The following MSANTD2 variants were observed in gnomAD, a reference collection of about 807,000 sequenced individuals.
MSANTD2 encodes the protein myb/SANT-like DNA-binding domain-containing protein 2.
A neutral mutation model predicts 52.6 loss-of-function variants in MSANTD2; 19 were observed. The observed-to-expected ratio is 0.36, with a 90% confidence interval of 0.25 to 0.53. The LOEUF (loss-of-function observed/expected upper bound fraction) is 0.53. Ranked by LOEUF, MSANTD2 falls within the 20% of genes least tolerant of loss-of-function variation. MSANTD2 has a pLI of 0.91. For missense variants in MSANTD2, 558 were observed against 716.3 expected, an observed-to-expected ratio of 0.78 and a Z score of 2.52; for synonymous variants, 291 against 289.7, an observed-to-expected ratio of 1.00 and a Z score of -0.04.
chr11:124,776,166 T>C (rs1174289547), intron 1 of MSANTD2: 1 of 152,242 alleles, frequency 6.6e-6, no homozygotes, highest in East Asian at 1.9e-4. Context: ...TCAGACTTAA[T>C]TTGTAGGCAC....
Position 124,800,099 on chromosome 11 carries a change from G to T in MSANTD2, c.282C>A (p.Ala94=), listed in dbSNP as rs759650697. The T allele has an allele frequency of 5.4e-6, 8 of 1,480,244 alleles. No homozygotes were observed. Among genetic ancestry groups the T allele is most frequent in the East Asian group, 2.8e-5 (1 of 35,376 alleles). The allele number at this position is 1,480,244 out of a possible 1,614,324, so 91.7% of individuals were successfully genotyped here. The part of the protein sequence containing the change: ...PGGGGGGAAA[A]AAAACRGMSW... The stretch of plus-strand genomic sequence containing the variant: ...ACATGCCCCGGCAGGCGGCGGCGGC[G>T]GCTGCCGCAGCCCCGCCACCGCCGC... The change falls in exon 1 of 4, where the codon GCC becomes GCA. Residue 94 remains alanine, a synonymous_variant. Coordinates refer to ENST00000374979, the MANE Select transcript of MSANTD2 (RefSeq NM_001308027.2). This position sits in a 1 kb window ranked among gnomAD's most constrained non-coding sequence, Gnocchi z 4.3.
At chr11:124,777,451 C>A (rs964629973) in intron 1 of MSANTD2, among the ~76,000 whole-genome samples, 1 of 152,184 alleles carries the variant, frequency 6.6e-6, no homozygotes. Context: ...CAATCTCTGG[C>A]GATAGACATG....
At chr11:124,781,183 CAAAAAAAAAA>C (rs373484883) in intron 1 of MSANTD2, among the ~76,000 whole-genome samples, 7 of 62,964 alleles carry the variant, frequency 1.1e-4, no homozygotes, top group Non-Finnish European at 2.1e-4. Flanking sequence ...GTCTCTGTCT[CAAAAAAAAAA>C]AAAAAAAAAG....
chr11:124,769,860 C>T (rs1230022414), intron 3 of MSANTD2, among the ~76,000 whole-genome samples: 1 of 152,212 alleles, frequency 6.6e-6, no homozygotes, highest in Non-Finnish European at 1.5e-5. Flanking sequence ...AAATAAATGG[C>T]CTACCCAGAT....
chr11:124,786,765 T>C (rs1945174593), intron 1 of MSANTD2, among the ~76,000 whole-genome samples: 1 of 152,252 alleles, frequency 6.6e-6, no homozygotes, highest in African/African-American at 2.4e-5. Flanking sequence ...TGACAAGAAA[T>C]ATCAGCATAA....
Position 124,766,946 on chromosome 11 carries a change from C to T in MSANTD2, c.*230G>A, listed in dbSNP as rs1304339634. 3 of 415,704 alleles carry T rather than the reference C, an allele frequency of 7.2e-6. No individual in the cohort carries two copies. Among genetic ancestry groups the T allele is most frequent in the Admixed American group, 3.9e-5 (1 of 25,342 alleles). 25.8% of individuals were successfully genotyped at this position (415,704 alleles called of 1,614,324 possible). A position where few individuals can be genotyped will look rare whatever the true frequency, so the allele number is the denominator to read the frequency against. The stretch of plus-strand genomic sequence containing the variant: ...TTTTAAAAAAGAAATAGCTGACCCA[C>T]CATGCAAGTTCGCTATATATCTTGC... On this transcript the variant is annotated 3_prime_UTR_variant, in exon 4 of 4. Coordinates refer to ENST00000374979, the MANE Select transcript of MSANTD2 (RefSeq NM_001308027.2).
At chr11:124,791,289 G>A in intron 1 of MSANTD2, 1 of 1,453,506 alleles carries the variant, frequency 6.9e-7, no homozygotes, top group Non-Finnish European at 9.7e-7. Flanking sequence ...TGCCCTCCTA[G>A]AACTGTCCCT....
intron 1 of MSANTD2, chr11:124,791,554 C>A: frequency 8.2e-7 from 1 of 1,225,214 alleles, no homozygotes; most frequent in South Asian, 1.2e-5. Flanking sequence ...ACAGAAGGGT[C>A]ACCAATGTGA....
intron 1 of MSANTD2, among the ~76,000 whole-genome samples, chr11:124,787,531 C>A (rs556686849): frequency 1.3e-5 from 2 of 152,282 alleles, no homozygotes; most frequent in South Asian, 4.1e-4. Context: ...TAGGTGTGCA[C>A]CACCAAACCC....
At chr11:124,793,303 ATTCAGTACAT>A (rs1945390145) in intron 1 of MSANTD2, among the ~76,000 whole-genome samples, 1 of 152,238 alleles carries the variant, frequency 6.6e-6, no homozygotes, top group Non-Finnish European at 1.5e-5. Flanking sequence ...TCAGTTTGTT[ATTCAGTACAT>A]TTTATCGCCA....
At chr11:124,788,522 AT>A (rs1945238501) in intron 1 of MSANTD2, among the ~76,000 whole-genome samples, 2 of 152,208 alleles carry the variant, frequency 1.3e-5, no homozygotes, top group African/African-American at 2.4e-5. Context: ...TATTACTTAC[AT>A]AAGGAAAAAA....
Position 124,800,250 on chromosome 11 carries a change from G to A in MSANTD2, c.131C>T (p.Pro44Leu). Residue 44 changes from proline to leucine, a missense_variant, in exon 1 of 4, where the codon CCT becomes CTT. Physicochemically the swap from Pro to Leu is moderately conservative, Grantham distance 98 (BLOSUM62 -3). Around this residue, in one of 2 missense-constraint regions of MSANTD2, gnomAD observed 150 missense variants for 142.7 expected, o/e 1.05. Transcript: ENST00000374979. This position sits in a 1 kb window ranked among gnomAD's most constrained non-coding sequence, Gnocchi z 4.3. ...CGGCCCGAGCGGGGAGGCACCCCGA[G>A]GCGTGGAAGGGTCGGACAGCGATGG... Reference protein sequence around the residue: ...GNPSLSDPSTPRGASPLGPGS... With the variant: ...GNPSLSDPSTLRGASPLGPGS... 6.4e-7 allele frequency: 1 copy of A among 1,556,140 alleles called. No homozygotes were observed.
chr11:124,797,142 C>T (rs1012810461), intron 1 of MSANTD2, among the ~76,000 whole-genome samples: 5 of 152,158 alleles, frequency 3.3e-5, no homozygotes, highest in African/African-American at 1.2e-4. Flanking sequence ...AATACTGCTG[C>T]AGATTTTTAT....
chr11:124,791,498 G>C, intron 1 of MSANTD2: 1 of 1,111,096 alleles, frequency 9.0e-7, no homozygotes, highest in Non-Finnish European at 1.3e-6. Context: ...AAATGGCTGA[G>C]GGCAAGAGTT....
intron 1 of MSANTD2, among the ~76,000 whole-genome samples, chr11:124,786,705 A>C (rs897278731): frequency 6.6e-5 from 10 of 152,234 alleles, no homozygotes; most frequent in Non-Finnish European, 2.9e-5. Context: ...TTCTAATCTT[A>C]GGAAACGATA....
Position 124,767,343 on chromosome 11 carries a change from C to G in MSANTD2, c.1513G>C (p.Val505Leu), listed in dbSNP as rs200870886. The change falls in exon 4 of 4, where the codon GTT becomes CTT. Residue 505 changes from valine (V) to leucine (L), a missense_variant. Around this residue, in one of 2 missense-constraint regions of MSANTD2, gnomAD observed 408 missense variants for 573.6 expected, o/e 0.71. Transcript: ENST00000374979. This position sits in a 1 kb window ranked among gnomAD's most constrained non-coding sequence, Gnocchi z 6.5. ...TGAGACAAAAACCCGTTAATACCAA[C>G]CCAATCTTTGCTGAAGGTTTTGGTA... The part of the protein sequence containing the change: ...ANTKTFSKDW[V>L]GINGFLSQNC... 1.9e-6 allele frequency: 3 copies of G among 1,614,044 alleles called. No individual in the cohort carries two copies. In the Admixed American group the frequency reaches 5.0e-5, roughly 27 times the overall value.
intron 3 of MSANTD2, among the ~76,000 whole-genome samples, chr11:124,769,929 G>T (rs1944439402): frequency 6.6e-6 from 1 of 152,224 alleles, no homozygotes; most frequent in Non-Finnish European, 1.5e-5. Context: ...GCACAGGCTG[G>T]ATATTTCCTC....
Position 124,792,456 on chromosome 11 carries a change from T to A in MSANTD2, c.510+7415A>T, listed in dbSNP as rs562656366. On this transcript the variant is annotated intron_variant, in intron 1 of 3. Coordinates refer to ENST00000374979, the MANE Select transcript of MSANTD2 (RefSeq NM_001308027.2). The stretch of plus-strand genomic sequence containing the variant: ...TTCCAGTTTTGCATTCTTTGGTAAG[T>A]ATATCTCATTATATTTGCAGTTGGC... The A allele has an allele frequency of 7.9e-5, 12 of 152,356 alleles. No individual in the cohort carries two copies. The South Asian group carries it at 2.5e-3, about 32-fold the overall frequency. 9.4% of individuals were successfully genotyped at this position (152,356 alleles called of 1,614,324 possible).
In MSANTD2 at chr11:124,767,612, C is replaced by T. The variant is rs1406450861; in HGVS notation, c.1244G>A (p.Gly415Asp). 8 of 1,614,180 alleles carry T rather than the reference C, an allele frequency of 5.0e-6. No homozygotes were observed. The highest frequency in any genetic ancestry group is 6.8e-6 in the Non-Finnish European group (8 of 1,180,010). ...ATAAAGGCCTGGGCTTTTAGGAATACCCCCAGGCAATAAATATTGAACAAC... is the reference window on the plus strand; with the variant it reads ...ATAAAGGCCTGGGCTTTTAGGAATATCCCCAGGCAATAAATATTGAACAAC... ...GNVVQYLLPG[G>D]IPKSPGLYAI... Residue 415 changes from glycine to aspartate, a missense_variant, in exon 4 of 4, where the codon GGT becomes GAT. Physicochemically the swap from Gly to Asp is moderately conservative, Grantham distance 94 (BLOSUM62 -1). Coordinates refer to ENST00000374979, the MANE Select transcript of MSANTD2 (RefSeq NM_001308027.2). This position sits in a 1 kb window ranked among gnomAD's most constrained non-coding sequence, Gnocchi z 6.5.
Sources: gnomAD v4.1 joint callset for allele counts (sites outside exome capture counted in the v4.1 genomes callset) on GRCh38, gnomAD v4.1.1 for gene constraint, gnomAD v4.1.1 regional missense constraint, Gnocchi (gnomAD v3.1) non-coding constraint, MANE v1.5 for transcripts, NCBI Gene and HGNC (gene_info 2026-07-23, HGNC 2026-07-21) for gene names.